CFAP58: variants seen among roughly 807,000 people sequenced by gnomAD.
CFAP58 encodes the protein cilia and flagella associated protein 58, also known as cilia- and flagella-associated protein 58.
In CFAP58, 88 loss-of-function variants were observed where a neutral mutation model predicts 119.5. The observed-to-expected ratio is 0.74, with a 90% CI of 0.62 to 0.88. The LOEUF is 0.88. Ranked by LOEUF, CFAP58 falls within the 40% of genes least tolerant of loss-of-function variation. CFAP58 has a pLI of 0.00. For missense variants in CFAP58, 990 were observed against 1,021.2 expected, an observed-to-expected ratio of 0.97 and a Z score of 0.42; for synonymous variants, 365 against 366.3, an observed-to-expected ratio of 1.00 and a Z score of 0.04.
chr10:104,453,984 T>C (rs548138755), intron 17 of CFAP58, among the ~76,000 whole-genome samples: 4 of 152,184 alleles, frequency 2.6e-5, no homozygotes, highest in Admixed American at 1.3e-4. Context: ...TTGATGAAGA[T>C]ACCTTCTGTG....
At chr10:104,440,064 C>A (rs953788146) in intron 15 of CFAP58, among the ~76,000 whole-genome samples, 1 of 152,152 alleles carries the variant, frequency 6.6e-6, no homozygotes, top group Non-Finnish European at 1.5e-5. Flanking sequence ...CCTCGTGATC[C>A]ACCCGCCTGG....
chr10:104,429,975 G>C (rs574928256), intron 15 of CFAP58, among the ~76,000 whole-genome samples: 1 of 152,100 alleles, frequency 6.6e-6, no homozygotes, highest in East Asian at 1.9e-4. Context: ...TGCACCTGCA[G>C]AGTCATTCCC....
upstream of CFAP58, among the ~76,000 whole-genome samples, chr10:104,349,552 T>C (rs112190142): frequency 2.4e-3 from 366 of 152,228 alleles, 3 homozygotes; most frequent in African/African-American, 7.8e-3. Context: ...CATCACATTC[T>C]GAAGTAGGGG....
In CFAP58 at chr10:104,403,775, C is replaced by G; in HGVS notation, c.2086C>G (p.Arg696Gly). 6.2e-7 allele frequency: 1 copy of G among 1,612,480 alleles called. No homozygotes were observed. The highest frequency in any genetic ancestry group is 8.5e-7 in the Non-Finnish European group (1 of 1,179,434). Residue 696 changes from arginine (R) to glycine (G), a missense_variant, in exon 14 of 18, where the codon CGC (arginine) becomes GGC (glycine). Transcript: ENST00000369704. The stretch of plus-strand genomic sequence containing the variant: ...AAGAGAATTGTTGAAGGAGAGGACA[C>G]GCTGCCGAGCCCTGGAGGAGGAGCT... The part of the protein sequence containing the change: ...MQRELLKERT[R>G]CRALEEELEN...
chr10:104,393,248 A>T, intron 10 of CFAP58, 81 bp from the exon 11 acceptor site: 12 of 1,291,418 alleles, frequency 9.3e-6, no homozygotes, highest in Non-Finnish European at 1.3e-5. Flanking sequence ...GTCCCTTAAA[A>T]GCTCTGAAAT....
chr10:104,389,282 T>C (rs1256389776), intron 9 of CFAP58, among the ~76,000 whole-genome samples: 2 of 152,236 alleles, frequency 1.3e-5, no homozygotes, highest in Non-Finnish European at 2.9e-5. Flanking sequence ...CGGGTTCTTA[T>C]TACTCCAGCT....
At chr10:104,419,070 C>A (rs528561101) in intron 15 of CFAP58, among the ~76,000 whole-genome samples, 1 of 152,288 alleles carries the variant, frequency 6.6e-6, no homozygotes, top group South Asian at 2.1e-4. Flanking sequence ...GTGTCCCCGT[C>A]GTGCTCCTGG....
At position 104,414,821 on chromosome 10, in the gene CFAP58, C is replaced by T. The variant is rs1184783580; in HGVS notation, c.2256+8028C>T. Among the ~76,000 whole-genome samples the T allele has an allele frequency of 3.9e-5, 6 of 152,296 alleles. No individual in the cohort carries two copies. In the East Asian group the frequency reaches 1.2e-3, roughly 29 times the overall value. The stretch of plus-strand genomic sequence containing the variant: ...AGTAGCTGGGACTACAGGCGCCTGC[C>T]ACCGCGCCCGGCTAATTTTTTTTGT... On this transcript the variant is annotated intron_variant, in intron 15 of 17. Coordinates refer to ENST00000369704, the MANE Select transcript of CFAP58 (RefSeq NM_001008723.2).
At chr10:104,432,793 G>A (rs918733236) in intron 15 of CFAP58, among the ~76,000 whole-genome samples, 1 of 152,146 alleles carries the variant, frequency 6.6e-6, no homozygotes, top group Non-Finnish European at 1.5e-5. Context: ...GAGCCACCGC[G>A]CCCGGCCAGT....
At chr10:104,450,717 T>G (rs1211170436) in intron 17 of CFAP58, among the ~76,000 whole-genome samples, 1 of 101,112 alleles carries the variant, frequency 9.9e-6, no homozygotes, top group Non-Finnish European at 1.8e-5. Context: ...TTATTTTTGA[T>G]TTTTTTTTGT....
chr10:104,438,364 T>G (rs1483582046), intron 15 of CFAP58, among the ~76,000 whole-genome samples: 35 of 129,558 alleles, frequency 2.7e-4, no homozygotes, highest in African/African-American at 1.2e-3. Context: ...TTTTTTTGTT[T>G]TTTTTTTTTG....
chr10:104,402,166 A>G lies in CFAP58; in HGVS notation c.2039+1263A>G, dbSNP rs182600787. Among the ~76,000 whole-genome samples, 10 of 152,330 alleles carry G rather than the reference A, an allele frequency of 6.6e-5. No individual in the cohort carries two copies. In the East Asian group the frequency reaches 1.9e-3, roughly 29 times the overall value. On this transcript the variant is annotated intron_variant, in intron 13 of 17. Coordinates refer to ENST00000369704, the MANE Select transcript of CFAP58 (RefSeq NM_001008723.2). Reference sequence around the variant, plus strand: ...CAAGCTGTGTGACCTTGGGCAAGTCACTGACCTTCCCTGAGCTTTGGACTT... The same window carrying G: ...CAAGCTGTGTGACCTTGGGCAAGTCGCTGACCTTCCCTGAGCTTTGGACTT...
rs748540236 is a variant in CFAP58, at chr10:104,361,985, GT to G, written c.292-35del. ...TGGTTTATCTTGCATCTAGAATCCA[GT>G]TTGGTCTTTCTCACTGATATCCTAT... On this transcript the variant is annotated intron_variant, in intron 2 of 17. Transcript: ENST00000369704. 5.6e-6 allele frequency: 9 copies of G among 1,596,770 alleles called. No individual in the cohort carries two copies. The African/African-American group carries it at 1.2e-4, about 22-fold the overall frequency.
At chr10:104,420,961 C>A (rs964190581) in intron 15 of CFAP58, among the ~76,000 whole-genome samples, 1 of 152,008 alleles carries the variant, frequency 6.6e-6, no homozygotes, top group Non-Finnish European at 1.5e-5. Context: ...CTATGTTGCT[C>A]AGGCTGGTCT....
chr10:104,346,248 C>G, the CFAP58 span, among the ~76,000 whole-genome samples: 1 of 152,052 alleles, frequency 6.6e-6, no homozygotes, highest in African/African-American at 2.4e-5. Flanking sequence ...GGATCTACCC[C>G]CCATGACCCG....
chr10:104,379,975 C>T, intron 8 of CFAP58, 54 bp from the exon 9 acceptor site: 3 of 1,500,426 alleles, frequency 2.0e-6, no homozygotes, highest in Non-Finnish European at 2.7e-6. Flanking sequence ...TAAACTTAAC[C>T]CCAAATCCTT....
At chr10:104,427,350 A>G (rs1417942881) in intron 15 of CFAP58, among the ~76,000 whole-genome samples, 2 of 152,236 alleles carry the variant, frequency 1.3e-5, no homozygotes, top group Admixed American at 1.3e-4. Flanking sequence ...ATTTTCTTCA[A>G]TATTGCCATG....
intron 9 of CFAP58, among the ~76,000 whole-genome samples, chr10:104,391,921 T>G (rs1023367105): frequency 2.0e-5 from 3 of 152,178 alleles, no homozygotes; most frequent in African/African-American, 4.8e-5. Context: ...TTCCCTTTTT[T>G]GGGGGTAGGG....
At chr10:104,435,026 A>G (rs2012910282) in intron 15 of CFAP58, among the ~76,000 whole-genome samples, 1 of 152,242 alleles carries the variant, frequency 6.6e-6, no homozygotes, top group African/African-American at 2.4e-5. Flanking sequence ...CTGGCATATA[A>G]TAGTTGGTTA....
Sources: allele counts gnomAD v4.1 joint callset (sites outside exome capture counted in the v4.1 genomes callset), GRCh38; gene constraint gnomAD v4.1.1; transcripts MANE v1.5; gene names NCBI Gene and HGNC (gene_info 2026-07-23, HGNC 2026-07-21).